The following NFS1 variants were observed in gnomAD, a reference collection of about 807,000 sequenced individuals.
NFS1 encodes the protein cysteine desulfurase.
Under a neutral mutation model 57.3 loss-of-function variants are expected in NFS1, and 26 were observed. That is an observed-to-expected ratio of 0.45 (90% CI 0.33 to 0.63). The LOEUF (loss-of-function observed/expected upper bound fraction) is 0.63. Among genes scored for constraint, NFS1 ranks in the 20% least tolerant of loss-of-function variants. NFS1 has a pLI of 0.02. For missense variants in NFS1, 505 were observed against 605.8 expected (o/e 0.83, Z 1.75); for synonymous variants, 209 against 216.3 (o/e 0.97, Z 0.30).
chr20:35,680,307 G>GAA (rs1337421073), intron 7 of NFS1, among the ~76,000 whole-genome samples: 2 of 142,262 alleles, frequency 1.4e-5, no homozygotes, highest in South Asian at 4.4e-4. Context: ...TCCGTCTCAA[G>GAA]AAAAAAAAAA....
Position 35,690,442 on chromosome 20 carries a change from C to T in NFS1, c.532G>A (p.Val178Met), listed in dbSNP as rs1321400831. 1.2e-6 allele frequency: 2 copies of T among 1,613,754 alleles called. No individual in the cohort carries two copies. The highest frequency in any genetic ancestry group is 2.7e-5 in the African/African-American group (2 of 74,870). ...AGGTCAATGATCCCACTCTTCTGCA[C>T]TGGGAGGTAGGTGACCTGAAAGCCC... Reference protein sequence around the residue: ...AEGFQVTYLPVQKSGIIDLKE... With the variant: ...AEGFQVTYLPMQKSGIIDLKE... Residue 178 changes from valine (V) to methionine (M), a missense_variant, in exon 5 of 13, where the codon GTG (valine) becomes ATG (methionine). Val to Met is a conservative substitution (Grantham distance 21, BLOSUM62 1). Transcript: ENST00000374092.
At chr20:35,694,391 G>A (rs952981156) in intron 4 of NFS1, among the ~76,000 whole-genome samples, 8 of 151,868 alleles carry the variant, frequency 5.3e-5, no homozygotes, top group Non-Finnish European at 1.5e-5. Flanking sequence ...ATGATCTGCC[G>A]GTCTCAGCCT....
intron 4 of NFS1, among the ~76,000 whole-genome samples, chr20:35,690,866 C>T: frequency 6.6e-6 from 1 of 152,180 alleles, no homozygotes; most frequent in East Asian, 1.9e-4. Context: ...CTTCCCGAAG[C>T]CCGGTCAAGT....
intron 3 of NFS1, among the ~76,000 whole-genome samples, chr20:35,696,763 G>A (rs1304077711): frequency 6.6e-6 from 1 of 152,106 alleles, no homozygotes; most frequent in Non-Finnish European, 1.5e-5. Context: ...GAGGTCAGGA[G>A]TTCGAGACCA....
At chr20:35,681,435 C>T (rs567381106) in intron 6 of NFS1, among the ~76,000 whole-genome samples, 2 of 152,310 alleles carry the variant, frequency 1.3e-5, no homozygotes, top group Middle Eastern at 3.4e-3. Flanking sequence ...CAGTGGCTCA[C>T]GCCTGTAATC....
intron 3 of NFS1, among the ~76,000 whole-genome samples, chr20:35,697,039 G>C (rs1184902870): frequency 2.0e-5 from 3 of 152,222 alleles, no homozygotes; most frequent in African/African-American, 4.8e-5. Flanking sequence ...CCGGGAGGCA[G>C]AGGTTGCAGT....
chr20:35,678,157 G>A (rs994083822), intron 7 of NFS1, among the ~76,000 whole-genome samples: 1 of 151,634 alleles, frequency 6.6e-6, no homozygotes, highest in Non-Finnish European at 1.5e-5. Context: ...AAACCATCCT[G>A]GCTAACACAG....
At chr20:35,687,609 G>A (rs2034968986) in intron 5 of NFS1, among the ~76,000 whole-genome samples, 1 of 152,162 alleles carries the variant, frequency 6.6e-6, no homozygotes, top group Non-Finnish European at 1.5e-5. Flanking sequence ...CCGTGCCTTG[G>A]TGGTAGTGGT....
chr20:35,690,626 A>T, intron 4 of NFS1, 61 bp from the exon 5 acceptor site: 1 of 1,566,808 alleles, frequency 6.4e-7, no homozygotes, highest in Non-Finnish European at 8.8e-7. Context: ...AATGACTTCA[A>T]TCTCATTTGT....
intron 4 of NFS1, chr20:35,694,929 A>G (rs2035107198): frequency 1.3e-5 from 2 of 152,594 alleles, no homozygotes; most frequent in African/African-American, 4.8e-5. Context: ...TGGTGATGAT[A>G]GTTCAAAATG....
intron 5 of NFS1, among the ~76,000 whole-genome samples, chr20:35,687,957 AGGCT>A (rs2034974170): frequency 6.6e-6 from 1 of 152,158 alleles, no homozygotes; most frequent in Non-Finnish European, 1.5e-5. Context: ...AAAATTTAGC[AGGCT>A]GGCCAGGCAC....
chr20:35,675,080 C>G lies in NFS1; in HGVS notation c.913G>C (p.Gly305Arg), dbSNP rs1414326659. 1.2e-6 allele frequency: 2 copies of G among 1,614,086 alleles called. No homozygotes were observed. Among genetic ancestry groups the G allele is most frequent in the Non-Finnish European group, 1.7e-6 (2 of 1,179,988 alleles). Residue 305 changes from glycine to arginine, a missense_variant, in exon 8 of 13, where the codon GGG becomes CGG. Transcript: ENST00000374092. Reference sequence around the variant, plus strand: ...TGCTGTGCCACCTCACACGCAGCCCCCAGCCCCACCACTAAGGGTGTGGGC... The same window carrying G: ...TGCTGTGCCACCTCACACGCAGCCCGCAGCCCCACCACTAAGGGTGTGGGC... ...TVPTPLVVGLGAACEVAQQEM... is the reference protein window; with the variant it reads ...TVPTPLVVGLRAACEVAQQEM...
Position 35,675,143 on chromosome 20 carries a change from C to T in NFS1, c.850G>A (p.Gly284Arg). The change falls in exon 8 of 13, where the codon GGA becomes AGA. Residue 284 changes from glycine to arginine, a missense_variant. By Grantham distance (125) the Gly-to-Arg change is moderately radical. Transcript: ENST00000374092. ...PRVRVEALQS[G>R]GGQERGMRSG... ...CGCATACCCCGCTCCTGCCCCCCTC[C>T]ACTCTGCAGGGCCTCCACACGCACA... 6.2e-7 allele frequency: 1 copy of T among 1,613,958 alleles called. No individual in the cohort carries two copies. The highest frequency in any genetic ancestry group is 1.1e-5 in the South Asian group (1 of 91,084).
intron 4 of NFS1, chr20:35,692,266 CAGG>C (rs2035055260): frequency 3.8e-6 from 1 of 265,974 alleles, no homozygotes; most frequent in African/African-American, 2.3e-5. Context: ...CCCGGCTACT[CAGG>C]AGGATGAGGC....
intron 7 of NFS1, among the ~76,000 whole-genome samples, chr20:35,679,431 C>T (rs1255085347): frequency 6.6e-6 from 1 of 152,136 alleles, no homozygotes; most frequent in East Asian, 1.9e-4. Context: ...ATCCGCCCGC[C>T]TTGGCTTCCC....
intron 12 of NFS1, among the ~76,000 whole-genome samples, chr20:35,669,886 C>T (rs2034625538): frequency 6.6e-6 from 1 of 152,150 alleles, no homozygotes; most frequent in Admixed American, 6.5e-5. Context: ...CTCCTGAGAG[C>T]TCTCCCCAAC....
rs1241875302 is a variant in NFS1 at position 35,697,808 on chromosome 20, CAACAG to C, written c.208-13_208-9del. On this transcript the variant is annotated splice_polypyrimidine_tract_variant and intron_variant, in intron 2 of 12. Coordinates refer to ENST00000374092, the MANE Select transcript of NFS1 (RefSeq NM_021100.5). ...ATCAAGCACCCGGGGGTCCTGAACA[CAACAG>C]AACAGATCATTTTCCTTGAGCGCAT... 2 of 1,580,494 alleles carry C rather than the reference CAACAG, an allele frequency of 1.3e-6. No individual in the cohort carries two copies. Among genetic ancestry groups the C allele is most frequent in the East Asian group, 2.2e-5 (1 of 44,678 alleles).
At chr20:35,672,266 T>G (rs1232100969) in intron 12 of NFS1, among the ~76,000 whole-genome samples, 4 of 152,054 alleles carry the variant, frequency 2.6e-5, no homozygotes, top group Admixed American at 6.5e-5. Flanking sequence ...CTTTTTTTTT[T>G]GGGACGGAGT....
chr20:35,698,956 G>A, intron 1 of NFS1: 1 of 1,318,576 alleles, frequency 7.6e-7, no homozygotes, highest in Non-Finnish European at 9.6e-7. Context: ...GGCCAGGAGC[G>A]GTCTGAAGGA....
Sources: allele counts gnomAD v4.1 joint callset (sites outside exome capture counted in the v4.1 genomes callset), GRCh38; gene constraint gnomAD v4.1.1; transcripts MANE v1.5; gene names NCBI Gene and HGNC (gene_info 2026-07-23, HGNC 2026-07-21).